The following DSTYK variants were observed in gnomAD, a reference collection of about 807,000 sequenced individuals.
DSTYK encodes the protein dual serine/threonine and tyrosine protein kinase.
Under a neutral mutation model 98.7 loss-of-function variants are expected in DSTYK, and 34 were observed. The ratio of observed to expected loss-of-function variants is 0.34; its 90% CI spans 0.26 to 0.46. DSTYK has a LOEUF of 0.46. Among genes scored for constraint, DSTYK ranks in the 20% least tolerant of loss-of-function variants. DSTYK has a pLI of 1.00. For synonymous variants in DSTYK, 462 were observed against 457.3 expected, an observed-to-expected ratio of 1.01 and a Z score of -0.13; for missense variants, 962 against 1,181.7, an observed-to-expected ratio of 0.81 and a Z score of 2.73.
intron 1 of DSTYK, among the ~76,000 whole-genome samples, chr1:205,194,195 A>T (rs1192380589): frequency 6.6e-6 from 1 of 152,218 alleles, no homozygotes; most frequent in African/African-American, 2.4e-5. Flanking sequence ...CTCCCGTGTC[A>T]CATAAATTTG....
intron 11 of DSTYK, among the ~76,000 whole-genome samples, chr1:205,149,755 C>A (rs1477510711): frequency 6.7e-6 from 1 of 149,648 alleles, no homozygotes; most frequent in African/African-American, 2.6e-5. Context: ...AAGTCTTGCA[C>A]AACAAGCCTT....
At chr1:205,181,625 G>T (rs1051409068) in intron 2 of DSTYK, among the ~76,000 whole-genome samples, 1 of 151,114 alleles carries the variant, frequency 6.6e-6, no homozygotes, top group African/African-American at 2.4e-5. Flanking sequence ...AAAGTGCTGG[G>T]ACCACAGATG....
chr1:205,153,518 A>G (rs571528753), intron 10 of DSTYK, among the ~76,000 whole-genome samples: 1 of 152,188 alleles, frequency 6.6e-6, no homozygotes, highest in Non-Finnish European at 1.5e-5. Flanking sequence ...AAACAAACAT[A>G]CCATATTTAG....
intron 2 of DSTYK, among the ~76,000 whole-genome samples, chr1:205,173,800 C>G (rs960011129): frequency 6.6e-6 from 1 of 151,776 alleles, no homozygotes; most frequent in Non-Finnish European, 1.5e-5. Flanking sequence ...CTCACTGCAA[C>G]CTCTGCCTCC....
chr1:205,202,729 A>G (rs1659078939), intron 1 of DSTYK: 1 of 772,468 alleles, frequency 1.3e-6, no homozygotes, highest in Admixed American at 1.8e-5. Context: ...ACAAAAACTT[A>G]TGACACAGGA....
chr1:205,209,632 ACTAG>A (rs1220024869), intron 1 of DSTYK, among the ~76,000 whole-genome samples: 13 of 152,176 alleles, frequency 8.5e-5, no homozygotes, highest in Middle Eastern at 3.4e-3. Flanking sequence ...GAGGGGGATG[ACTAG>A]TTTTTCTGAA....
At chr1:205,156,658 T>C (rs1476114072) in intron 10 of DSTYK, among the ~76,000 whole-genome samples, 1 of 152,206 alleles carries the variant, frequency 6.6e-6, no homozygotes, top group Non-Finnish European at 1.5e-5. Flanking sequence ...GGGACTTGCG[T>C]TGTCTCAGAT....
chr1:205,174,586 G>A (rs542038691), intron 2 of DSTYK, among the ~76,000 whole-genome samples: 30 of 151,340 alleles, frequency 2.0e-4, no homozygotes, highest in African/African-American at 6.8e-4. Context: ...GGGAGGCTGA[G>A]GAATGAGAAT....
intron 9 of DSTYK, among the ~76,000 whole-genome samples, chr1:205,158,899 T>C (rs1195609960): frequency 2.6e-5 from 4 of 152,140 alleles, no homozygotes; most frequent in East Asian, 1.9e-4. Context: ...TAAATATCTG[T>C]TGACTAAACA....
At position 205,150,867 on chromosome 1, in the gene DSTYK, A is replaced by C; in HGVS notation, c.2353-73T>G. On this transcript the variant is annotated intron_variant, in intron 10 of 12. Transcript: ENST00000367162. This position sits in a 1 kb window ranked among gnomAD's most constrained non-coding sequence, Gnocchi z 4.1. ...CAGCACTGCTGCGTACCTAAGCTCAAAGGTAGGTACCTCAAAGTAGTGTCA... is the reference window on the plus strand; with the variant it reads ...CAGCACTGCTGCGTACCTAAGCTCACAGGTAGGTACCTCAAAGTAGTGTCA... 8.5e-7 allele frequency: 1 copy of C among 1,176,578 alleles called. No individual in the cohort carries two copies. Among genetic ancestry groups the C allele is most frequent in the Non-Finnish European group, 1.3e-6 (1 of 788,984 alleles). The allele number at this position is 1,176,578 out of a possible 1,614,324, so 72.9% of individuals were successfully genotyped here.
In DSTYK at chr1:205,148,260, A is replaced by G; in HGVS notation, c.2547T>C (p.Pro849=). The stretch of plus-strand genomic sequence containing the variant: ...TGCTAGCACACCTCTCAAATGCCTC[A>G]GGGAGCTTGACAGAGCCTGAGCAGA... The part of the protein sequence containing the change: ...WYICSGSVKL[P]EAFERCASKD... Residue 849 remains proline, a synonymous_variant, in exon 12 of 13, where the codon CCT becomes CCC. Coordinates refer to ENST00000367162, the MANE Select transcript of DSTYK (RefSeq NM_015375.3). 6.2e-7 allele frequency: 1 copy of G among 1,614,156 alleles called. No individual in the cohort carries two copies. Among genetic ancestry groups the G allele is most frequent in the Non-Finnish European group, 8.5e-7 (1 of 1,180,000 alleles).
At chr1:205,148,374 CAG>C (rs1256320315) in intron 11 of DSTYK, 35 bp from the exon 12 acceptor site, 4 of 1,608,740 alleles carry the variant, frequency 2.5e-6, no homozygotes, top group Non-Finnish European at 3.4e-6. Flanking sequence ...TAATGAGCCA[CAG>C]AGAGTCAGGC....
intron 10 of DSTYK, among the ~76,000 whole-genome samples, chr1:205,155,626 C>G (rs1657534731): frequency 6.6e-6 from 1 of 151,262 alleles, no homozygotes; most frequent in African/African-American, 2.4e-5. Flanking sequence ...CCACTGCACT[C>G]CAGCCTGGGC....
At chr1:205,208,770 C>T (rs993988652) in intron 1 of DSTYK, among the ~76,000 whole-genome samples, 2 of 152,056 alleles carry the variant, frequency 1.3e-5, no homozygotes, top group African/African-American at 4.8e-5. Context: ...ACAAAGATGG[C>T]CTGTAAATGG....
chr1:205,175,384 G>A (rs904153113), intron 2 of DSTYK, among the ~76,000 whole-genome samples: 5 of 152,148 alleles, frequency 3.3e-5, no homozygotes, highest in African/African-American at 1.2e-4. Flanking sequence ...GAGCCACCGT[G>A]CCCGCCAGAA....
Position 205,211,641 on chromosome 1 carries a change from C to G in DSTYK, c.-106G>C. On this transcript the variant is annotated 5_prime_UTR_variant, in exon 1 of 13. Transcript: ENST00000367162. ...GGGAGGAGGAATCCGCCTCCTGACG[C>G]CCCCGCCTGCAGTCAGCCTGGCTCC... 7.4e-7 allele frequency: 1 copy of G among 1,352,560 alleles called. No homozygotes were observed. The highest frequency in any genetic ancestry group is 3.4e-5 in the Admixed American group (1 of 29,520). The allele number at this position is 1,352,560 out of a possible 1,614,324, so 83.8% of individuals were successfully genotyped here.
chr1:205,170,092 A>T (rs1034312366), intron 2 of DSTYK, among the ~76,000 whole-genome samples: 2 of 152,166 alleles, frequency 1.3e-5, no homozygotes, highest in African/African-American at 4.8e-5. Context: ...TTAAAAAAAA[A>T]TTTTGGTCTC....
At chr1:205,182,976 G>A (rs192880673) in intron 2 of DSTYK, among the ~76,000 whole-genome samples, 1 of 151,528 alleles carries the variant, frequency 6.6e-6, no homozygotes, top group Admixed American at 6.6e-5. Context: ...TAAATGAAAC[G>A]CCACCTCCAG....
intron 1 of DSTYK, among the ~76,000 whole-genome samples, chr1:205,207,374 C>G (rs914486786): frequency 2.0e-5 from 3 of 151,842 alleles, no homozygotes; most frequent in African/African-American, 4.8e-5. Context: ...CCGCCGCACC[C>G]GGCCCACTCC....
Sources: allele counts gnomAD v4.1 joint callset (sites outside exome capture counted in the v4.1 genomes callset), GRCh38; gene constraint gnomAD v4.1.1; non-coding constraint Gnocchi (gnomAD v3.1); transcripts MANE v1.5; gene names NCBI Gene and HGNC (gene_info 2026-07-23, HGNC 2026-07-21).